SPMIP2: variants seen among roughly 807,000 people sequenced by gnomAD.
SPMIP2 encodes protein SPMIP2.
the SPMIP2 span, among the ~76,000 whole-genome samples, chr4:158,949,158 T>A: frequency 7.2e-5 from 11 of 152,354 alleles, no homozygotes; most frequent in African/African-American, 2.4e-4. Context: ...CTAATATGAA[T>A]TTTAATAGAT....
the SPMIP2 span, among the ~76,000 whole-genome samples, chr4:159,036,855 T>C: frequency 2.6e-4 from 40 of 152,286 alleles, no homozygotes; most frequent in Middle Eastern, 0.014. Context: ...TGTTAATTAA[T>C]TCTGGTTCCT....
the SPMIP2 span, among the ~76,000 whole-genome samples, chr4:159,040,013 A>G: frequency 1.3e-5 from 2 of 152,390 alleles, no homozygotes; most frequent in East Asian, 3.8e-4. Context: ...CTACAATTAC[A>G]TAATAACATT....
At chr4:158,925,923 A>G in the SPMIP2 span, among the ~76,000 whole-genome samples, 40 of 152,320 alleles carry the variant, frequency 2.6e-4, no homozygotes, top group African/African-American at 9.4e-4. Flanking sequence ...CTAGACAGCC[A>G]TCTTCTTCCT....
At chr4:158,895,931 G>A in the SPMIP2 span, 2 of 1,212,884 alleles carry the variant, frequency 1.6e-6, no homozygotes, top group Admixed American at 1.9e-5. Context: ...ACCCACTAAC[G>A]TGTTTAGCCT....
chr4:158,897,287 T>C, the SPMIP2 span, among the ~76,000 whole-genome samples: 3 of 152,258 alleles, frequency 2.0e-5, no homozygotes, highest in Admixed American at 1.3e-4. Context: ...TTGTGAATAC[T>C]GCTTCAGTAA....
the SPMIP2 span, among the ~76,000 whole-genome samples, chr4:158,897,963 G>T: frequency 6.6e-6 from 1 of 152,094 alleles, no homozygotes; most frequent in Non-Finnish European, 1.5e-5. Context: ...GGGTTTTTAT[G>T]GTTTTAGGTC....
At chr4:158,937,272 A>G in the SPMIP2 span, among the ~76,000 whole-genome samples, 1 of 152,234 alleles carries the variant, frequency 6.6e-6, no homozygotes, top group Non-Finnish European at 1.5e-5. Flanking sequence ...TATATTTTGT[A>G]TTTGGATGAA....
chr4:158,933,183 T>C, the SPMIP2 span, among the ~76,000 whole-genome samples: 1 of 152,166 alleles, frequency 6.6e-6, no homozygotes, highest in Non-Finnish European at 1.5e-5. Flanking sequence ...TTTGTATTTT[T>C]AGTAGAGACA....
At chr4:159,016,285 T>C in the SPMIP2 span, among the ~76,000 whole-genome samples, 6 of 152,340 alleles carry the variant, frequency 3.9e-5, no homozygotes, top group Middle Eastern at 3.4e-3. Flanking sequence ...AAAAACTTCA[T>C]AGTTTTCCAC....
At chr4:159,007,636 C>T in the SPMIP2 span, 1 of 896,706 alleles carries the variant, frequency 1.1e-6, no homozygotes, top group Non-Finnish European at 1.8e-6. Flanking sequence ...CGTCGGGATG[C>T]TGTGGCCAAG....
At chr4:158,918,579 TCTTCA>T in the SPMIP2 span, among the ~76,000 whole-genome samples, 890 of 152,368 alleles carry the variant, frequency 5.8e-3, 8 homozygotes, top group African/African-American at 0.02. Flanking sequence ...CCGTCTTTAG[TCTTCA>T]CTTAAGTGCT....
chr4:158,946,640 C>T, the SPMIP2 span, among the ~76,000 whole-genome samples: 1 of 152,222 alleles, frequency 6.6e-6, no homozygotes, highest in African/African-American at 2.4e-5. Context: ...AATTAAACCT[C>T]TTTCTTTATA....
chr4:158,975,086 T>C, the SPMIP2 span, among the ~76,000 whole-genome samples: 9 of 152,374 alleles, frequency 5.9e-5, no homozygotes, highest in Admixed American at 5.2e-4. Flanking sequence ...CATATGTTTG[T>C]TGGTCACATA....
At chr4:159,048,631 A>G in the SPMIP2 span, among the ~76,000 whole-genome samples, 1 of 151,816 alleles carries the variant, frequency 6.6e-6, no homozygotes, top group Non-Finnish European at 1.5e-5. Context: ...CAATATACAC[A>G]AGGATCCCGA....
chr4:158,965,829 C>T, the SPMIP2 span, among the ~76,000 whole-genome samples: 1 of 152,184 alleles, frequency 6.6e-6, no homozygotes, highest in Non-Finnish European at 1.5e-5. Flanking sequence ...ATTCCAGTCT[C>T]CATTTCTCAT....
chr4:158,935,807 T>C, the SPMIP2 span, among the ~76,000 whole-genome samples: 5 of 152,188 alleles, frequency 3.3e-5, no homozygotes, highest in African/African-American at 1.2e-4. Flanking sequence ...TTATATAATG[T>C]CTAAAACCAA....
chr4:159,081,114 T>C, the SPMIP2 span, among the ~76,000 whole-genome samples: 2 of 150,968 alleles, frequency 1.3e-5, no homozygotes, highest in Non-Finnish European at 2.9e-5. Flanking sequence ...CTTGGCTCAC[T>C]GCAACCTCCA....
At chr4:158,950,946 G>T in the SPMIP2 span, among the ~76,000 whole-genome samples, 1 of 152,242 alleles carries the variant, frequency 6.6e-6, no homozygotes, top group South Asian at 2.1e-4. Flanking sequence ...GAATGTTAAA[G>T]GGTTCACAAA....
At chr4:158,908,455 A>ATTG in the SPMIP2 span, among the ~76,000 whole-genome samples, 1 of 152,240 alleles carries the variant, frequency 6.6e-6, no homozygotes, top group Non-Finnish European at 1.5e-5. Flanking sequence ...CAGGAATGCA[A>ATTG]TTGTTGTATA....
Sources: gnomAD v4.1 joint callset for allele counts (sites outside exome capture counted in the v4.1 genomes callset) on GRCh38, gnomAD v4.1.1 for gene constraint, MANE v1.5 for transcripts, NCBI Gene and HGNC (gene_info 2026-07-23, HGNC 2026-07-21) for gene names.